The following CEP43 variants were observed in gnomAD, a reference collection of about 807,000 sequenced individuals.
CEP43 encodes the protein centrosomal protein 43, also known as FGFR1 oncogene partner.
CEP43 carries 36 observed loss-of-function variants against 52.6 expected under a neutral mutation model. The ratio of observed to expected loss-of-function variants is 0.68; its 90% CI spans 0.52 to 0.90. The LOEUF (loss-of-function observed/expected upper bound fraction) is 0.90. Among genes scored for constraint, CEP43 ranks in the 40% least tolerant of loss-of-function variants. The probability of loss-of-function intolerance (pLI) is 0.00; values close to 1 mark genes in which losing one functional copy is unlikely to be tolerated. For synonymous variants in CEP43, 192 were observed against 172.4 expected (o/e 1.11, Z -0.89); for missense variants, 506 against 472.8 (o/e 1.07, Z -0.65).
intron 9 of CEP43, among the ~76,000 whole-genome samples, chr6:167,026,036 G>C (rs150177524): frequency 2.6e-5 from 4 of 152,366 alleles, no homozygotes; most frequent in African/African-American, 7.2e-5. Context: ...GTTTTTGGTG[G>C]TTGTGTTCCA....
intron 10 of CEP43, chr6:167,028,251 C>T: frequency 4.1e-6 from 4 of 985,408 alleles, no homozygotes; most frequent in Non-Finnish European, 4.8e-6. Context: ...GTTTTCCCTC[C>T]TGTTTCTGAG....
chr6:167,016,701 C>G (rs1780108247), intron 7 of CEP43, among the ~76,000 whole-genome samples: 1 of 152,188 alleles, frequency 6.6e-6, no homozygotes, highest in South Asian at 2.1e-4. Flanking sequence ...CTGTCACACT[C>G]TCACACCATC....
intron 1 of CEP43, 142 bp from the exon 2 acceptor site, chr6:166,999,918 G>A: frequency 1.6e-6 from 1 of 639,860 alleles, no homozygotes; most frequent in South Asian, 1.9e-5. Context: ...GTGTGACTGA[G>A]AACGTTTCGG....
intron 11 of CEP43, among the ~76,000 whole-genome samples, chr6:167,033,099 CTTTTTTTTTTT>C (rs71032896): frequency 4.7e-4 from 32 of 68,350 alleles, no homozygotes; most frequent in African/African-American, 1.1e-3. Flanking sequence ...TTGCCATTCT[CTTTTTTTTTTT>C]TTTTTTTTTT....
At chr6:167,006,303 T>G (rs965927176) in intron 5 of CEP43, among the ~76,000 whole-genome samples, 8 of 152,090 alleles carry the variant, frequency 5.3e-5, no homozygotes. Flanking sequence ...AATCATGAAG[T>G]CAAGAGATGG....
intron 7 of CEP43, among the ~76,000 whole-genome samples, chr6:167,014,719 C>T (rs1022246807): frequency 6.6e-6 from 1 of 152,120 alleles, no homozygotes; most frequent in Admixed American, 6.5e-5. Flanking sequence ...CGTTATTAAA[C>T]AAGAAGTTGC....
At chr6:167,034,260 TAGTG>T (rs1265189579) in intron 12 of CEP43, among the ~76,000 whole-genome samples, 2 of 152,026 alleles carry the variant, frequency 1.3e-5, no homozygotes, top group Non-Finnish European at 2.9e-5. Flanking sequence ...GGGTCAGGCT[TAGTG>T]AGAATTGACC....
At chr6:167,003,140 G>A (rs1483737487) in intron 2 of CEP43, 53 bp from the exon 3 acceptor site, 12 of 782,632 alleles carry the variant, frequency 1.5e-5, no homozygotes, top group Non-Finnish European at 2.3e-5. Flanking sequence ...TTTATATTTT[G>A]TAGTTGTTTT....
chr6:167,009,589 C>T (rs541309878), intron 5 of CEP43, among the ~76,000 whole-genome samples: 75 of 148,210 alleles, frequency 5.1e-4, no homozygotes, highest in African/African-American at 1.8e-3. Flanking sequence ...CGCTTGAACC[C>T]GGCAGTCGGA....
At chr6:167,026,640 C>T (rs2282861) in intron 10 of CEP43, 25 bp downstream of exon 10, 636,531 of 1,421,714 alleles carry the variant, frequency 0.45, 145,284 homozygotes, top group East Asian at 0.49. Flanking sequence ...AGTTTTTGTG[C>T]TGATCGTTTT....
rs1230196915 is a variant in CEP43, at chr6:167,033,886, G to A, written c.1040G>A (p.Arg347His). ...CCTTCTGAAATTAGTACCAGCCATC[G>A]CTCAGAGAAAAGTGAGATAAGTATT... ...YVDDFNSTSH[R>H]SEKSEISIGE... Residue 347 changes from arginine (R) to histidine (H), a missense_variant, in exon 12 of 13, where the codon CGC becomes CAC. Arg to His is a conservative substitution (Grantham distance 29, BLOSUM62 0). Transcript: ENST00000366847. 5.7e-6 allele frequency: 9 copies of A among 1,571,102 alleles called. No homozygotes were observed. Among genetic ancestry groups the A allele is most frequent in the Admixed American group, 1.8e-5 (1 of 56,064 alleles).
Position 167,040,219 on chromosome 6 carries a change from G to C in CEP43, c.*241G>C, listed in dbSNP as rs563378411. 1.7e-4 allele frequency: 260 copies of C among 1,525,504 alleles called. 1 individual carries two copies. The Middle Eastern group carries it at 6.4e-3, about 38-fold the overall frequency. 94.5% of individuals were successfully genotyped at this position (1,525,504 alleles called of 1,614,324 possible). A position where few individuals can be genotyped will look rare whatever the true frequency, so the allele number is the denominator to read the frequency against. Reference sequence around the variant, plus strand: ...AACTGTACATTTCTTTATGGAAATTGATTATCTACACTCAGTTTCATTACA... The same window carrying C: ...AACTGTACATTTCTTTATGGAAATTCATTATCTACACTCAGTTTCATTACA... On this transcript the variant is annotated 3_prime_UTR_variant, in exon 13 of 13. Transcript: ENST00000366847.
In CEP43 at chr6:167,040,420, G is replaced by T; in HGVS notation, c.*442G>T. ...ACCATAGTATATTTTGATATTAGGT[G>T]GTTCTACACATAGTTGGCAAAATGA... On this transcript the variant is annotated 3_prime_UTR_variant, in exon 13 of 13. Transcript: ENST00000366847. The T allele has an allele frequency of 1.6e-6, 2 of 1,254,972 alleles. No homozygotes were observed. Among genetic ancestry groups the T allele is most frequent in the Non-Finnish European group, 2.0e-6 (2 of 996,628 alleles). 77.7% of individuals were successfully genotyped at this position (1,254,972 alleles called of 1,614,324 possible). A position where few individuals can be genotyped will look rare whatever the true frequency, so the allele number is the denominator to read the frequency against.
At chr6:166,999,801 C>G (rs1470299148) in intron 1 of CEP43, 2 of 529,498 alleles carry the variant, frequency 3.8e-6, no homozygotes, top group Non-Finnish European at 6.6e-6. Flanking sequence ...ACGGGCGGCC[C>G]GCAGCTGGGC....
chr6:167,036,925 C>T (rs1780596194), intron 12 of CEP43: 1 of 208,628 alleles, frequency 4.8e-6, no homozygotes, highest in African/African-American at 2.4e-5. Context: ...CTACCTTAGC[C>T]TTCTGAGTAG....
intron 2 of CEP43, among the ~76,000 whole-genome samples, chr6:167,001,787 C>T (rs6456142): frequency 0.054 from 8,148 of 152,130 alleles, 653 homozygotes; most frequent in African/African-American, 0.17. Flanking sequence ...GTGCTTGTTT[C>T]TTCTTTTCCA....
rs1179217784 is a variant in CEP43, at chr6:167,040,227, A to G, written c.*249A>G. ...ATTTCTTTATGGAAATTGATTATCT[A>G]CACTCAGTTTCATTACAGGGAAGGA... is the stretch of plus-strand genomic sequence containing the variant. On this transcript the variant is annotated 3_prime_UTR_variant, in exon 13 of 13. Transcript: ENST00000366847. 1 of 1,522,452 alleles carries G rather than the reference A, an allele frequency of 6.6e-7. No individual in the cohort carries two copies. The highest frequency in any genetic ancestry group is 8.7e-7 in the Non-Finnish European group (1 of 1,142,910). 94.3% of individuals were successfully genotyped at this position (1,522,452 alleles called of 1,614,324 possible).
At chr6:167,015,440 T>A (rs747132646) in intron 7 of CEP43, among the ~76,000 whole-genome samples, 1 of 152,218 alleles carries the variant, frequency 6.6e-6, no homozygotes, top group Non-Finnish European at 1.5e-5. Flanking sequence ...TCTCAACATC[T>A]TCATCATCCA....
At position 167,046,597 on chromosome 6, in the gene CEP43, G is replaced by A. The variant is rs1780803807; in HGVS notation, c.*6619G>A. 1 of 152,220 alleles carries A rather than the reference G, an allele frequency of 6.6e-6. No homozygotes were observed. The highest frequency in any genetic ancestry group is 2.4e-5 in the African/African-American group (1 of 41,448). 9.4% of individuals were successfully genotyped at this position (152,220 alleles called of 1,614,324 possible). A position where few individuals can be genotyped will look rare whatever the true frequency, so the allele number is the denominator to read the frequency against. On this transcript the variant is annotated 3_prime_UTR_variant, in exon 13 of 13. Coordinates refer to ENST00000366847, the MANE Select transcript of CEP43 (RefSeq NM_007045.4). ...AACAAGCAGTTGGCTGATTTCTTCTGTCCACTCCACCTGCAGATGCAGAGG... is the reference window on the plus strand; with the variant it reads ...AACAAGCAGTTGGCTGATTTCTTCTATCCACTCCACCTGCAGATGCAGAGG...
Sources: gnomAD v4.1 joint callset for allele counts (sites outside exome capture counted in the v4.1 genomes callset) on GRCh38, gnomAD v4.1.1 for gene constraint, MANE v1.5 for transcripts, NCBI Gene and HGNC (gene_info 2026-07-23, HGNC 2026-07-21) for gene names.